Variants in TMEM63C observed in about 807,000 individuals in gnomAD.
The protein encoded by TMEM63C is transmembrane protein 63C.
In TMEM63C, 32 loss-of-function variants were observed where a neutral mutation model predicts 99.2. That is an observed-to-expected ratio of 0.32 (90% CI 0.24 to 0.43). The LOEUF (loss-of-function observed/expected upper bound fraction) is 0.43, where lower values mean the gene tolerates loss of function less well. Ranked by LOEUF, TMEM63C falls within the 20% of genes least tolerant of loss-of-function variation. The pLI is 1.00. For synonymous variants in TMEM63C, 376 were observed against 397.9 expected (o/e 0.94, Z 0.66); for missense variants, 826 against 1,053.0 (o/e 0.78, Z 2.98).
intron 7 of TMEM63C, 148 bp from the exon 8 acceptor site, chr14:77,233,304 T>C (rs938137743): frequency 5.3e-6 from 4 of 753,978 alleles, no homozygotes; most frequent in Non-Finnish European, 8.8e-6. Context: ...TTGTTAAAAG[T>C]TGGGGAGAAG....
In TMEM63C at chr14:77,221,805, G is replaced by C. The variant is rs145339852; in HGVS notation, c.312+1718G>C. Among the ~76,000 whole-genome samples the C allele has an allele frequency of 7.3e-5, 11 of 151,026 alleles. No homozygotes were observed. The East Asian group carries it at 2.2e-3, about 30-fold the overall frequency. On this transcript the variant is annotated intron_variant, in intron 5 of 23. Transcript: ENST00000298351. ...CGCTAAATCCAATGGACTTTTCTCA[G>C]TTCACATCTTGCCTGCGTTCTCTGA...
intron 2 of TMEM63C, among the ~76,000 whole-genome samples, chr14:77,217,709 C>T (rs991581310): frequency 1.3e-5 from 2 of 152,196 alleles, no homozygotes; most frequent in African/African-American, 4.8e-5. Flanking sequence ...ATGCCAGGGA[C>T]GGCAGGCTCT....
rs781159365 is a variant in TMEM63C, at chr14:77,239,451, C to A, written c.765C>A (p.Phe255Leu). 1.2e-6 allele frequency: 2 copies of A among 1,613,694 alleles called. No homozygotes were observed. Among genetic ancestry groups the A allele is most frequent in the Non-Finnish European group, 1.7e-6 (2 of 1,179,892 alleles). ...YPGSVVTRVH[F>L]CYDVRNLIDL... ...GCAGTGTCGTGACAAGAGTCCACTT[C>A]TGCTACGACGTCAGGAACCTGATCG... The change falls in exon 11 of 24, where the codon TTC becomes TTA. Residue 255 changes from phenylalanine to leucine, a missense_variant. Physicochemically the swap from Phe to Leu is conservative, Grantham distance 22. Transcript: ENST00000298351.
At chr14:77,211,647 C>T (rs1175556956) in intron 1 of TMEM63C, among the ~76,000 whole-genome samples, 3 of 152,098 alleles carry the variant, frequency 2.0e-5, no homozygotes, top group East Asian at 1.9e-4. Flanking sequence ...GTCTGGAGGC[C>T]TGGGAGTGAG....
At chr14:77,253,515 C>A in intron 23 of TMEM63C, 139 bp downstream of exon 23, 1 of 796,514 alleles carries the variant, frequency 1.3e-6, no homozygotes, top group Non-Finnish European at 2.1e-6. Context: ...GGGCTCCCTC[C>A]TCTAATGGAG....
At chr14:77,210,395 C>T (rs1888475390) in intron 1 of TMEM63C, among the ~76,000 whole-genome samples, 1 of 152,184 alleles carries the variant, frequency 6.6e-6, no homozygotes, top group Non-Finnish European at 1.5e-5. Flanking sequence ...CTCAGTTTCT[C>T]CATATGTAAA....
At chr14:77,196,032 C>T (rs543965578) in intron 1 of TMEM63C, 8 of 153,192 alleles carry the variant, frequency 5.2e-5, no homozygotes, top group Middle Eastern at 3.3e-3. Context: ...GATGCATGCC[C>T]GCCTGCACTG....
chr14:77,192,288 C>T (rs192434680), intron 1 of TMEM63C, among the ~76,000 whole-genome samples: 43 of 152,230 alleles, frequency 2.8e-4, no homozygotes, highest in African/African-American at 9.9e-4. Flanking sequence ...ATGCAGATGG[C>T]GTTACTGTTA....
rs1889194632 is a variant in TMEM63C at position 77,242,444 on chromosome 14, G to A, written c.1162G>A (p.Ala388Thr). The part of the protein sequence containing the change: ...VKSYYWRVTM[A>T]PHPKDIIWKH... ...ATCATATTACTGGAGGGTCACTATGGCCCCACACCCCAAAGACATTATTTG... is the reference window on the plus strand; with the variant it reads ...ATCATATTACTGGAGGGTCACTATGACCCCACACCCCAAAGACATTATTTG... Residue 388 changes from alanine (A) to threonine (T), a missense_variant, in exon 14 of 24, where the codon GCC becomes ACC. Ala to Thr is a moderately conservative substitution (Grantham distance 58). Coordinates refer to ENST00000298351, the MANE Select transcript of TMEM63C (RefSeq NM_020431.4). 6.2e-7 allele frequency: 1 copy of A among 1,613,726 alleles called. No homozygotes were observed. Among genetic ancestry groups the A allele is most frequent in the Non-Finnish European group, 8.5e-7 (1 of 1,179,864 alleles).
chr14:77,204,822 C>T (rs575607854), intron 1 of TMEM63C, among the ~76,000 whole-genome samples: 1 of 152,230 alleles, frequency 6.6e-6, no homozygotes, highest in Admixed American at 6.5e-5. Flanking sequence ...CTCCATTTTA[C>T]AGACAAGGAA....
intron 6 of TMEM63C, among the ~76,000 whole-genome samples, chr14:77,227,491 A>G (rs1281543679): frequency 2.0e-5 from 3 of 152,258 alleles, no homozygotes; most frequent in Non-Finnish European, 4.4e-5. Context: ...AGCTGTTGAA[A>G]AAACAAGATT....
At chr14:77,232,964 C>T (rs412737) in intron 7 of TMEM63C, among the ~76,000 whole-genome samples, 9,811 of 152,238 alleles carry the variant, frequency 0.064, 411 homozygotes, top group Admixed American at 0.1. Context: ...TGTCTCATCC[C>T]AAGAGCTGGT....
At chr14:77,251,694 T>C (rs1889362432) in intron 21 of TMEM63C, 95 bp from the exon 22 acceptor site, 3 of 964,526 alleles carry the variant, frequency 3.1e-6, no homozygotes, top group Admixed American at 3.5e-5. Flanking sequence ...GTCAAAGCCC[T>C]TGCAGTGGTG....
chr14:77,185,199 G>A (rs1887976318), intron 1 of TMEM63C, among the ~76,000 whole-genome samples: 1 of 152,170 alleles, frequency 6.6e-6, no homozygotes, highest in Admixed American at 6.5e-5. Flanking sequence ...TCTGCCATTT[G>A]ACACGAGCAC....
At chr14:77,220,368 C>T (rs1384262635) in intron 5 of TMEM63C, among the ~76,000 whole-genome samples, 2 of 152,166 alleles carry the variant, frequency 1.3e-5, no homozygotes, top group Non-Finnish European at 2.9e-5. Context: ...GTCTTCTCTG[C>T]TCAAATCTCC....
chr14:77,222,504 T>C (rs1481756883), intron 5 of TMEM63C, among the ~76,000 whole-genome samples: 3 of 152,216 alleles, frequency 2.0e-5, no homozygotes, highest in Non-Finnish European at 4.4e-5. Context: ...TGGGGACATA[T>C]ATTCTGCTGC....
At chr14:77,229,127 G>A (rs986006308) in intron 6 of TMEM63C, among the ~76,000 whole-genome samples, 1 of 152,106 alleles carries the variant, frequency 6.6e-6, no homozygotes, top group Non-Finnish European at 1.5e-5. Flanking sequence ...AAGGAGGTTG[G>A]GCATGGTGGC....
At chr14:77,216,771 C>A (rs1888594316) in intron 2 of TMEM63C, among the ~76,000 whole-genome samples, 1 of 152,180 alleles carries the variant, frequency 6.6e-6, no homozygotes, top group South Asian at 2.1e-4. Flanking sequence ...CTCCACTGCG[C>A]CCATCCCAGT....
At position 77,251,704 on chromosome 14, in the gene TMEM63C, G is replaced by A. The variant is rs373449377; in HGVS notation, c.2039-85G>A. On this transcript the variant is annotated intron_variant, in intron 21 of 23. Coordinates refer to ENST00000298351, the MANE Select transcript of TMEM63C (RefSeq NM_020431.4). ...GCAAGGTCAAAGCCCTTGCAGTGGT[G>A]CTGTGACGGTCCCTGGCATCTGCCA... 3.8e-5 allele frequency: 41 copies of A among 1,067,904 alleles called. No homozygotes were observed. The African/African-American group carries it at 4.5e-4, about 12-fold the overall frequency. 66.2% of individuals were successfully genotyped at this position (1,067,904 alleles called of 1,614,324 possible). A position where few individuals can be genotyped will look rare whatever the true frequency, so the allele number is the denominator to read the frequency against.
Sources: gnomAD v4.1 joint callset for allele counts (sites outside exome capture counted in the v4.1 genomes callset) on GRCh38, gnomAD v4.1.1 for gene constraint, MANE v1.5 for transcripts, NCBI Gene and HGNC (gene_info 2026-07-23, HGNC 2026-07-21) for gene names.